The following CLIC6 variants were observed in gnomAD, a reference collection of about 807,000 sequenced individuals.
CLIC6 encodes chloride intracellular channel protein 6.
In CLIC6, 39 loss-of-function variants were observed where a neutral mutation model predicts 49.2. That is an observed-to-expected ratio of 0.79 (90% CI 0.61 to 1.04). CLIC6 has a LOEUF of 1.04. Among genes scored for constraint, CLIC6 ranks in the 50% least tolerant of loss-of-function variants. The probability of loss-of-function intolerance (pLI) is 0.00; values close to 1 mark genes in which losing one functional copy is unlikely to be tolerated. For synonymous variants in CLIC6, 446 were observed against 433.4 expected (o/e 1.03, Z -0.36); for missense variants, 988 against 993.1 (o/e 0.99, Z 0.07).
intron 1 of CLIC6, among the ~76,000 whole-genome samples, chr21:34,699,369 A>T (rs1990145269): frequency 6.7e-6 from 1 of 149,774 alleles, no homozygotes; most frequent in Admixed American, 6.6e-5. Context: ...CTCCCACCTC[A>T]GCCTCACAAG....
At chr21:34,676,722 G>A (rs1301671839) in intron 1 of CLIC6, among the ~76,000 whole-genome samples, 1 of 152,174 alleles carries the variant, frequency 6.6e-6, no homozygotes, top group African/African-American at 2.4e-5. Flanking sequence ...TACATTTGGG[G>A]AGACACAACC....
At chr21:34,698,080 A>G (rs1990119781) in intron 1 of CLIC6, among the ~76,000 whole-genome samples, 2 of 152,232 alleles carry the variant, frequency 1.3e-5, no homozygotes, top group South Asian at 4.1e-4. Context: ...GGAATCTCAT[A>G]GGCCTGTGAG....
chr21:34,703,670 G>A (rs189791373), intron 1 of CLIC6, among the ~76,000 whole-genome samples: 24 of 152,256 alleles, frequency 1.6e-4, no homozygotes, highest in African/African-American at 3.4e-4. Flanking sequence ...TAGAGAGGGC[G>A]TGTGGTGAGG....
rs1219210229 is a variant in CLIC6, at chr21:34,717,292, G to A, written c.*810G>A. On this transcript the variant is annotated 3_prime_UTR_variant, in exon 6 of 6. Transcript: ENST00000349499. ...GACTCTTAATATCTGCTGCAACTTG[G>A]AGAACCTCCCTGCCCTGAAATGTGA... The A allele has an allele frequency of 6.6e-6, 1 of 152,158 alleles. No individual in the cohort carries two copies. Among genetic ancestry groups the A allele is most frequent in the Non-Finnish European group, 1.5e-5 (1 of 68,064 alleles). The allele number at this position is 152,158 out of a possible 1,614,324, so 9.4% of individuals were successfully genotyped here.
In CLIC6 at chr21:34,669,065, G is replaced by T. The variant is rs1459069124; in HGVS notation, c.-324G>T. The stretch of plus-strand genomic sequence containing the variant: ...GAGCGAAGCAGCCCTCTCCAGCCGT[G>T]CACTGCACCTCCGCGGCCCGCGGGC... On this transcript the variant is annotated 5_prime_UTR_variant, in exon 1 of 6. Coordinates refer to ENST00000349499, the MANE Select transcript of CLIC6 (RefSeq NM_053277.3). Among the ~76,000 whole-genome samples the T allele has an allele frequency of 6.6e-6, 1 of 152,212 alleles. No individual in the cohort carries two copies. Among genetic ancestry groups the T allele is most frequent in the African/African-American group, 2.4e-5 (1 of 41,452 alleles).
At chr21:34,690,554 T>C (rs1032878575) in intron 1 of CLIC6, among the ~76,000 whole-genome samples, 8 of 152,086 alleles carry the variant, frequency 5.3e-5, no homozygotes, top group African/African-American at 1.4e-4. Context: ...AGCCTCTCCT[T>C]TGTGTGGTGT....
chr21:34,709,940 C>A (rs2056044690), intron 5 of CLIC6, among the ~76,000 whole-genome samples: 1 of 152,090 alleles, frequency 6.6e-6, no homozygotes, highest in Non-Finnish European at 1.5e-5. Context: ...CCACATGGCC[C>A]CTTCTAGGGA....
Position 34,708,667 on chromosome 21 carries a change from T to C in CLIC6, c.1611-33T>C, listed in dbSNP as rs374906802. 3.5e-6 allele frequency: 5 copies of C among 1,422,466 alleles called. No homozygotes were observed. In the African/African-American group the frequency reaches 5.6e-5, roughly 16 times the overall value. 88.1% of individuals were successfully genotyped at this position (1,422,466 alleles called of 1,614,324 possible). A position where few individuals can be genotyped will look rare whatever the true frequency, so the allele number is the denominator to read the frequency against. ...GTATTATCTTCACTAAAACATCACTTGTCTGTGATCCTCCAATTTTGAACT... is the reference window on the plus strand; with the variant it reads ...GTATTATCTTCACTAAAACATCACTCGTCTGTGATCCTCCAATTTTGAACT... On this transcript the variant is annotated intron_variant, in intron 3 of 5. Coordinates refer to ENST00000349499, the MANE Select transcript of CLIC6 (RefSeq NM_053277.3).
chr21:34,702,516 A>C (rs142829022), intron 1 of CLIC6, among the ~76,000 whole-genome samples: 210 of 152,270 alleles, frequency 1.4e-3, no homozygotes, highest in Middle Eastern at 3.4e-3. Context: ...AGGGGTGTTC[A>C]TCAACCCCGT....
chr21:34,699,950 T>C (rs760316631), intron 1 of CLIC6, among the ~76,000 whole-genome samples: 4 of 152,142 alleles, frequency 2.6e-5, no homozygotes, highest in Non-Finnish European at 4.4e-5. Flanking sequence ...GATGTTTACA[T>C]AGGGCAGGAA....
At chr21:34,691,440 C>A (rs761794768) in intron 1 of CLIC6, among the ~76,000 whole-genome samples, 2 of 151,728 alleles carry the variant, frequency 1.3e-5, no homozygotes, top group African/African-American at 2.4e-5. Flanking sequence ...CTGGTTGATT[C>A]TTTTGTCTGC....
intron 1 of CLIC6, among the ~76,000 whole-genome samples, chr21:34,681,759 A>G (rs1989784298): frequency 6.6e-6 from 1 of 152,222 alleles, no homozygotes; most frequent in African/African-American, 2.4e-5. Flanking sequence ...CAGAAGTTAC[A>G]TGCTGTAACT....
intron 1 of CLIC6, among the ~76,000 whole-genome samples, chr21:34,690,303 C>T (rs1989968129): frequency 6.6e-6 from 1 of 152,192 alleles, no homozygotes; most frequent in Non-Finnish European, 1.5e-5. Flanking sequence ...ACATTTTCTT[C>T]TCGAAATAGA....
intron 1 of CLIC6, among the ~76,000 whole-genome samples, chr21:34,688,872 A>G (rs1047995970): frequency 2.0e-5 from 3 of 152,232 alleles, no homozygotes; most frequent in African/African-American, 7.2e-5. Context: ...ATTTCCCCCA[A>G]AGAAGCCTGC....
chr21:34,685,129 G>C (rs552220989), intron 1 of CLIC6, among the ~76,000 whole-genome samples: 1 of 152,168 alleles, frequency 6.6e-6, no homozygotes, highest in African/African-American at 2.4e-5. Context: ...GGGGTGGCAG[G>C]GTGGGGGGTG....
intron 1 of CLIC6, among the ~76,000 whole-genome samples, chr21:34,701,829 T>C (rs896142497): frequency 1.3e-5 from 2 of 152,202 alleles, no homozygotes; most frequent in Non-Finnish European, 2.9e-5. Flanking sequence ...AATTTAAATA[T>C]TGCATTTTAA....
At chr21:34,710,931 C>T (rs59160867) in intron 5 of CLIC6, among the ~76,000 whole-genome samples, 11,252 of 152,320 alleles carry the variant, frequency 0.074, 475 homozygotes, top group Middle Eastern at 0.2. Context: ...GAGCTCCAAG[C>T]GGATATCCCC....
At chr21:34,708,842 C>A in intron 4 of CLIC6, 36 bp downstream of exon 4, 1 of 1,458,464 alleles carries the variant, frequency 6.9e-7, no homozygotes, top group South Asian at 1.1e-5. Flanking sequence ...TGTTTCAACA[C>A]AGACTTGAGT....
intron 5 of CLIC6, among the ~76,000 whole-genome samples, chr21:34,715,355 A>T (rs1273286966): frequency 6.6e-6 from 1 of 152,194 alleles, no homozygotes; most frequent in Non-Finnish European, 1.5e-5. Flanking sequence ...CTAATCCAGG[A>T]TGGCCAGTAT....
Sources: allele counts gnomAD v4.1 joint callset (sites outside exome capture counted in the v4.1 genomes callset), GRCh38; gene constraint gnomAD v4.1.1; transcripts MANE v1.5; gene names NCBI Gene and HGNC (gene_info 2026-07-23, HGNC 2026-07-21).